Variants in SOAT1 observed in about 807,000 individuals in gnomAD.
The protein encoded by SOAT1 is sterol O-acyltransferase 1.
Under a neutral mutation model 69.5 loss-of-function variants are expected in SOAT1, and 55 were observed. That is an observed-to-expected ratio of 0.79 (90% CI 0.64 to 0.99). SOAT1 has a LOEUF of 0.99. Ranked by LOEUF, SOAT1 falls within the 50% of genes least tolerant of loss-of-function variation. The pLI is 0.00. For synonymous variants in SOAT1, 231 were observed against 224.7 expected, an observed-to-expected ratio of 1.03 and a Z score of -0.25; for missense variants, 580 against 669.3, an observed-to-expected ratio of 0.87 and a Z score of 1.47.
chr1:179,300,456 TATG>T (rs1451191126), intron 1 of SOAT1, among the ~76,000 whole-genome samples: 6 of 152,216 alleles, frequency 3.9e-5, no homozygotes, highest in South Asian at 4.1e-4. Context: ...AATTAGATCT[TATG>T]ATATCATAAC....
intron 7 of SOAT1, 141 bp from the exon 8 acceptor site, chr1:179,341,973 T>C: frequency 9.5e-7 from 1 of 1,049,882 alleles, no homozygotes; most frequent in Non-Finnish European, 1.3e-6. Flanking sequence ...AACTATATAA[T>C]AAAGGTTTTA....
chr1:179,294,113 A>G (rs1050932485), intron 1 of SOAT1, among the ~76,000 whole-genome samples, 177 bp downstream of exon 1: 4 of 152,182 alleles, frequency 2.6e-5, no homozygotes, highest in Non-Finnish European at 4.4e-5. Context: ...AGGGCGGGAA[A>G]GTTACCGTCA....
Position 179,353,568 on chromosome 1 carries a change from A to C in SOAT1, c.1597-17A>C. 1 of 1,609,670 alleles carries C rather than the reference A, an allele frequency of 6.2e-7. No homozygotes were observed. Among genetic ancestry groups the C allele is most frequent in the Non-Finnish European group, 8.5e-7 (1 of 1,176,578 alleles). On this transcript the variant is annotated splice_polypyrimidine_tract_variant and intron_variant, in intron 15 of 15. Coordinates refer to ENST00000367619, the MANE Select transcript of SOAT1 (RefSeq NM_003101.6). ...GTACACAAATTATTTTTCCATTCTT[A>C]TTTTTCCCCACTGCAGCCCACATTT...
intron 2 of SOAT1, among the ~76,000 whole-genome samples, chr1:179,313,596 T>G (rs568870027): frequency 9.4e-5 from 14 of 149,180 alleles, no homozygotes; most frequent in Non-Finnish European, 1.5e-4. Flanking sequence ...ATATATATAT[T>G]TTTTTTAGAC....
At position 179,341,159 on chromosome 1, in the gene SOAT1, A is replaced by C; in HGVS notation, c.629A>C (p.Tyr210Ser). The change falls in exon 7 of 16, where the codon TAT becomes TCT. Residue 210 changes from tyrosine to serine, a missense_variant. Physicochemically the swap from Tyr to Ser is moderately radical, Grantham distance 144. Coordinates refer to ENST00000367619, the MANE Select transcript of SOAT1 (RefSeq NM_003101.6). ...YFLFQHWATG[Y>S]SKSSHPLIRS... ...CTGTTTCAACATTGGGCCACTGGCTATAGCAAGAGTTCTCATCCGCTGATC... is the reference window on the plus strand; with the variant it reads ...CTGTTTCAACATTGGGCCACTGGCTCTAGCAAGAGTTCTCATCCGCTGATC... 1 of 1,614,132 alleles carries C rather than the reference A, an allele frequency of 6.2e-7. No homozygotes were observed. The highest frequency in any genetic ancestry group is 8.5e-7 in the Non-Finnish European group (1 of 1,180,004).
intron 3 of SOAT1, among the ~76,000 whole-genome samples, chr1:179,327,231 G>GT (rs1665824891): frequency 6.6e-6 from 1 of 152,114 alleles, no homozygotes. Context: ...AACTTGGCTT[G>GT]TTTTTTCACA....
At chr1:179,330,256 C>G (rs1042538661) in intron 3 of SOAT1, among the ~76,000 whole-genome samples, 1 of 152,034 alleles carries the variant, frequency 6.6e-6, no homozygotes, top group Non-Finnish European at 1.5e-5. Flanking sequence ...AGTTCTCATG[C>G]GCAGAGTCAG....
In SOAT1 at chr1:179,343,597, A is replaced by T; in HGVS notation, c.949A>T (p.Thr317Ser). 1 of 1,610,822 alleles carries T rather than the reference A, an allele frequency of 6.2e-7. No homozygotes were observed. ...IYRDSYPRNP[T>S]VRWGYVAMKF... ...TGTTTCTTTCTTTTTCAGGAATCCC[A>T]CTGTAAGATGGGGTTATGTCGCTAT... is the stretch of plus-strand genomic sequence containing the variant. The change falls in exon 10 of 16, where the codon ACT becomes TCT. Residue 317 changes from threonine to serine, a missense_variant. Transcript: ENST00000367619.
chr1:179,314,584 A>C (rs755231632), intron 2 of SOAT1, among the ~76,000 whole-genome samples: 12 of 152,028 alleles, frequency 7.9e-5, no homozygotes, highest in African/African-American at 1.2e-4. Flanking sequence ...GGTAAAGTAC[A>C]TTTTTGTTTT....
intron 13 of SOAT1, among the ~76,000 whole-genome samples, chr1:179,349,329 C>CTTTTTTTTTTTTTTTTTTT: frequency 7.9e-6 from 1 of 125,896 alleles, no homozygotes; most frequent in Non-Finnish European, 1.6e-5. Flanking sequence ...TAGAGAAACA[C>CTTTTTTTTTTTTTTTTTTT]TTTTTTTTTT....
At chr1:179,294,834 G>C (rs914414995) in intron 1 of SOAT1, among the ~76,000 whole-genome samples, 1 of 152,152 alleles carries the variant, frequency 6.6e-6, no homozygotes, top group East Asian at 1.9e-4. Context: ...CGCCTGGCCT[G>C]TTGGTCACTT....
chr1:179,341,305 G>A lies in SOAT1; in HGVS notation c.775G>A (p.Glu259Lys), dbSNP rs1458823797. The A allele has an allele frequency of 1.9e-5, 31 of 1,613,660 alleles. No homozygotes were observed. The highest frequency in any genetic ancestry group is 2.4e-5 in the Non-Finnish European group (28 of 1,179,902). ...AGCTTCCCGGTTCATCATTATATTC[G>A]AGCAGGTAAGGTTTTAAGTGTTACC... ...PPASRFIIIF[E>K]QIRFVMKAHS... The change falls in exon 7 of 16, where the codon GAG (glutamate) becomes AAG (lysine). Residue 259 changes from glutamate to lysine, a missense_variant. Physicochemically the swap from Glu to Lys is moderately conservative, Grantham distance 56 (BLOSUM62 1). Transcript: ENST00000367619.
intron 1 of SOAT1, among the ~76,000 whole-genome samples, chr1:179,301,657 A>T (rs3923882): frequency 6.6e-6 from 1 of 152,004 alleles, no homozygotes; most frequent in African/African-American, 2.4e-5. Context: ...TTGTTTTCTC[A>T]TGTGAAAACT....
intron 1 of SOAT1, among the ~76,000 whole-genome samples, chr1:179,298,478 T>G (rs1415100373): frequency 6.6e-6 from 1 of 152,010 alleles, no homozygotes; most frequent in African/African-American, 2.4e-5. Flanking sequence ...TTATATTTCT[T>G]CTTTTGGAGA....
chr1:179,299,771 T>TTTTTTTTA, intron 1 of SOAT1, among the ~76,000 whole-genome samples: 1 of 95,980 alleles, frequency 1.0e-5, no homozygotes, highest in African/African-American at 3.5e-5. Flanking sequence ...TTTTTTTTTT[T>TTTTTTTTA]GAGACGGAGT....
chr1:179,309,825 ATGTTT>A (rs1466335404), intron 2 of SOAT1, among the ~76,000 whole-genome samples: 14 of 151,946 alleles, frequency 9.2e-5, no homozygotes, highest in Non-Finnish European at 1.5e-5. Flanking sequence ...GTGCTTTGCC[ATGTTT>A]TGTTTTTATA....
chr1:179,304,774 G>A (rs532835431), intron 2 of SOAT1, among the ~76,000 whole-genome samples: 5 of 151,836 alleles, frequency 3.3e-5, no homozygotes, highest in African/African-American at 9.7e-5. Context: ...TCACCCTCCC[G>A]AGTAGCTGGG....
intron 1 of SOAT1, 106 bp from the exon 2 acceptor site, chr1:179,302,571 T>C: frequency 3.2e-6 from 2 of 633,902 alleles, no homozygotes; most frequent in South Asian, 6.6e-5. Context: ...CATGCGGAAC[T>C]GTGAGACAGT....
chr1:179,335,619 T>C lies in SOAT1; in HGVS notation c.291T>C (p.Phe97=). The C allele has an allele frequency of 6.2e-7, 1 of 1,613,662 alleles. No homozygotes were observed. Among genetic ancestry groups the C allele is most frequent in the Non-Finnish European group, 8.5e-7 (1 of 1,179,784 alleles). The part of the protein sequence containing the change: ...LDNGGCALTT[F]SVLEGEKNNH... ...ATGGTGGGTGCGCTCTCACAACCTTTTCTGTTCTTGAAGGAGAGAAAAACA... is the reference window on the plus strand; with the variant it reads ...ATGGTGGGTGCGCTCTCACAACCTTCTCTGTTCTTGAAGGAGAGAAAAACA... Residue 97 remains phenylalanine (F), a synonymous_variant, in exon 4 of 16, where the codon TTT becomes TTC. Coordinates refer to ENST00000367619, the MANE Select transcript of SOAT1 (RefSeq NM_003101.6).
Sources: gnomAD v4.1 joint callset for allele counts (sites outside exome capture counted in the v4.1 genomes callset) on GRCh38, gnomAD v4.1.1 for gene constraint, MANE v1.5 for transcripts, NCBI Gene and HGNC (gene_info 2026-07-23, HGNC 2026-07-21) for gene names.